Variants in NOL11 observed in about 807,000 individuals in gnomAD.
NOL11 encodes the protein nucleolar protein 11.
NOL11 carries 42 observed loss-of-function variants against 93.0 expected under a neutral mutation model. The observed-to-expected ratio is 0.45, with a 90% CI of 0.35 to 0.58. The LOEUF is 0.58. Among genes scored for constraint, NOL11 ranks in the 20% least tolerant of loss-of-function variants. The pLI is 0.00. For missense variants in NOL11, 775 were observed against 841.8 expected, an observed-to-expected ratio of 0.92 and a Z score of 0.98; for synonymous variants, 296 against 293.7, an observed-to-expected ratio of 1.01 and a Z score of -0.08.
At chr17:67,739,439 C>T in intron 15 of NOL11, 77 bp from the exon 16 acceptor site, 2 of 826,752 alleles carry the variant, frequency 2.4e-6, no homozygotes, top group Admixed American at 2.8e-5. Flanking sequence ...ACATTTTTTT[C>T]AATCTTCGTG....
intron 6 of NOL11, 111 bp from the exon 7 acceptor site, chr17:67,726,349 G>A (rs1037255601): frequency 1.4e-5 from 11 of 782,620 alleles, no homozygotes; most frequent in African/African-American, 1.3e-4. Flanking sequence ...TATTTTTCTG[G>A]TTGGCTGTTT....
intron 5 of NOL11, among the ~76,000 whole-genome samples, 183 bp downstream of exon 5, chr17:67,722,820 T>C (rs2043228625): frequency 6.6e-6 from 1 of 152,104 alleles, no homozygotes; most frequent in Non-Finnish European, 1.5e-5. Flanking sequence ...AGTTGCCTCG[T>C]AGCTGGGACT....
Position 67,721,364 on chromosome 17 carries a change from T to G in NOL11, c.313-14T>G. 6.7e-7 allele frequency: 1 copy of G among 1,495,802 alleles called. No homozygotes were observed. Among genetic ancestry groups the G allele is most frequent in the Non-Finnish European group, 8.9e-7 (1 of 1,121,482 alleles). The allele number at this position is 1,495,802 out of a possible 1,614,324, so 92.7% of individuals were successfully genotyped here. ...GTTTTAGAATAAAAATTAAAATTTT[T>G]TATGTTCTTCCAGTTGTCAGCAGAA... On this transcript the variant is annotated splice_polypyrimidine_tract_variant and intron_variant, in intron 3 of 17. Transcript: ENST00000253247.
rs752785068 is a variant in NOL11, at chr17:67,737,509, A to C, written c.1220A>C (p.Lys407Thr). The C allele has an allele frequency of 6.3e-7, 1 of 1,598,472 alleles. No homozygotes were observed. The highest frequency in any genetic ancestry group is 8.5e-7 in the Non-Finnish European group (1 of 1,174,852). Residue 407 changes from lysine to threonine, a missense_variant and splice_region_variant, in exon 12 of 18, where the codon AAA becomes ACA. Transcript: ENST00000253247. ...PSKQLLSTIM[K>T]DSEKHIEVEV... Reference sequence around the variant, plus strand: ...AATTCTTTAATTCTGCGCTTTCAGAAAGATTCAGAAAAACACATTGAAGTA... The same window carrying C: ...AATTCTTTAATTCTGCGCTTTCAGACAGATTCAGAAAAACACATTGAAGTA...
intron 16 of NOL11, 111 bp downstream of exon 16, chr17:67,739,719 A>G: frequency 1.5e-6 from 1 of 668,664 alleles, no homozygotes; most frequent in Non-Finnish European, 2.6e-6. Context: ...CCTAGGCCGT[A>G]GGAATCCCTT....
intron 7 of NOL11, among the ~76,000 whole-genome samples, chr17:67,730,439 T>G (rs1233686612): frequency 1.3e-5 from 2 of 152,054 alleles, no homozygotes; most frequent in African/African-American, 4.8e-5. Context: ...TTTTTGTATT[T>G]TTAGTAGAGA....
chr17:67,738,669 C>T (rs2055226489), intron 14 of NOL11: 1 of 441,102 alleles, frequency 2.3e-6, no homozygotes, highest in African/African-American at 2.1e-5. Context: ...CCCATCTCTA[C>T]ATCAGATTTA....
In NOL11 at chr17:67,737,109, G is replaced by A. The variant is rs749242110; in HGVS notation, c.1182G>A (p.Glu394=). 5.9e-5 allele frequency: 95 copies of A among 1,611,506 alleles called. 1 individual carries two copies. In the Admixed American group the frequency reaches 1.6e-3, roughly 27 times the overall value. ...AAATTGAAGTGAGTTTACAGCCAGA[G>A]GTTCCACCATCCAAACAACTTTTGT... ...RRKIEVSLQP[E]VPPSKQLLST... Residue 394 remains glutamate, a synonymous_variant, in exon 11 of 18, where the codon GAG becomes GAA. Transcript: ENST00000253247.
At chr17:67,722,549 C>G (rs372973814) in intron 4 of NOL11, 31 bp from the exon 5 acceptor site, 3 of 1,558,484 alleles carry the variant, frequency 1.9e-6, no homozygotes, top group Non-Finnish European at 2.6e-6. Flanking sequence ...ATTTTTGCAT[C>G]CTATAATTTT....
At chr17:67,725,723 C>T (rs992895348) in intron 6 of NOL11, among the ~76,000 whole-genome samples, 1 of 151,994 alleles carries the variant, frequency 6.6e-6, no homozygotes, top group African/African-American at 2.4e-5. Flanking sequence ...ATGAAACTGC[C>T]GAAATTCAGT....
chr17:67,719,740 G>GT lies in NOL11; in HGVS notation c.209dup (p.Cys71ValfsTer14). The stretch of plus-strand genomic sequence containing the variant: ...AGGTCAAATTATAACATGTCCAGCT[G>GT]TGTGCAACTTTCAAACTGGAGAGTA... On this transcript the variant is annotated frameshift_variant, in exon 2 of 18. Coordinates refer to ENST00000253247, the MANE Select transcript of NOL11 (RefSeq NM_015462.5). LOFTEE classifies it high-confidence loss of function. 1 of 1,610,706 alleles carries GT rather than the reference G, an allele frequency of 6.2e-7. No homozygotes were observed. The highest frequency in any genetic ancestry group is 8.5e-7 in the Non-Finnish European group (1 of 1,178,946).
intron 16 of NOL11, among the ~76,000 whole-genome samples, chr17:67,742,633 G>A (rs2055266817): frequency 6.6e-6 from 1 of 152,026 alleles, no homozygotes; most frequent in Admixed American, 6.6e-5. Context: ...TTTATTTCTT[G>A]TGTTTAACTC....
chr17:67,741,156 G>A lies in NOL11; in HGVS notation c.1935+1548G>A, dbSNP rs113045149. Among the ~76,000 whole-genome samples the A allele has an allele frequency of 3.7e-3, 559 of 152,056 alleles. 3 individuals are homozygous for A. Among genetic ancestry groups the A allele is most frequent in the African/African-American group, 0.013 (534 of 41,486 alleles). ...ACGATCTCGGCTCACTGCAACCTCC[G>A]CCTCCAGGGTTCAAGTGATTCTCCT... On this transcript the variant is annotated intron_variant, in intron 16 of 17. Coordinates refer to ENST00000253247, the MANE Select transcript of NOL11 (RefSeq NM_015462.5).
chr17:67,740,791 C>G (rs1323985924), intron 16 of NOL11: 2 of 154,536 alleles, frequency 1.3e-5, no homozygotes, highest in African/African-American at 4.8e-5. Context: ...GATCAACCAT[C>G]CCACATAGAA....
intron 6 of NOL11, among the ~76,000 whole-genome samples, chr17:67,726,128 C>T (rs573345158): frequency 5.3e-5 from 8 of 152,230 alleles, no homozygotes; most frequent in African/African-American, 1.9e-4. Flanking sequence ...AGACCAGATG[C>T]TAATTACTTT....
intron 7 of NOL11, among the ~76,000 whole-genome samples, chr17:67,729,128 C>T (rs1480026332): frequency 6.7e-6 from 1 of 149,404 alleles, no homozygotes; most frequent in Non-Finnish European, 1.5e-5. Context: ...GAGTTTTAGT[C>T]TTGTTGCCCA....
intron 7 of NOL11, among the ~76,000 whole-genome samples, chr17:67,731,824 C>A (rs1222520270): frequency 1.3e-5 from 2 of 152,206 alleles, no homozygotes; most frequent in Non-Finnish European, 1.5e-5. Flanking sequence ...AGATGACTCT[C>A]AATCTATTAC....
At chr17:67,732,825 C>T (rs1195953424) in intron 7 of NOL11, among the ~76,000 whole-genome samples, 3 of 151,538 alleles carry the variant, frequency 2.0e-5, no homozygotes, top group Non-Finnish European at 2.9e-5. Flanking sequence ...ATGTCTGTCT[C>T]GGCCTCCCAA....
intron 7 of NOL11, among the ~76,000 whole-genome samples, chr17:67,732,874 G>A (rs1214088002): frequency 1.3e-5 from 2 of 151,618 alleles, no homozygotes; most frequent in African/African-American, 2.4e-5. Context: ...ATGCCCTGCC[G>A]GAATTTTTTT....
Sources: gnomAD v4.1 joint callset for allele counts (sites outside exome capture counted in the v4.1 genomes callset) on GRCh38, gnomAD v4.1.1 for gene constraint, MANE v1.5 for transcripts, NCBI Gene and HGNC (gene_info 2026-07-23, HGNC 2026-07-21) for gene names.